The following PPP2R5A variants were observed in gnomAD, a reference collection of about 807,000 sequenced individuals.
The protein encoded by PPP2R5A is protein phosphatase 2 regulatory subunit B'alpha.
Under a neutral mutation model 64.2 loss-of-function variants are expected in PPP2R5A, and 25 were observed. That is an observed-to-expected ratio of 0.39 (90% CI 0.28 to 0.54). PPP2R5A has a LOEUF of 0.54. Ranked by LOEUF, PPP2R5A falls within the 20% of genes least tolerant of loss-of-function variation. PPP2R5A has a pLI of 0.67. For missense variants in PPP2R5A, 425 were observed against 576.3 expected (o/e 0.74, Z 2.69); for synonymous variants, 198 against 201.2 (o/e 0.98, Z 0.13).
At chr1:212,350,492 T>TA (rs1259918349) in intron 8 of PPP2R5A, among the ~76,000 whole-genome samples, 1 of 151,538 alleles carries the variant, frequency 6.6e-6, no homozygotes, top group Non-Finnish European at 1.5e-5. Flanking sequence ...TGTCTCTAGT[T>TA]AAAATACAAA....
At chr1:212,302,717 G>T (rs917045538) in intron 1 of PPP2R5A, among the ~76,000 whole-genome samples, 1 of 152,146 alleles carries the variant, frequency 6.6e-6, no homozygotes, top group Non-Finnish European at 1.5e-5. Flanking sequence ...ATCTCAAAAA[G>T]ATATCCCATG....
At chr1:212,323,392 C>T (rs1001777996) in intron 1 of PPP2R5A, among the ~76,000 whole-genome samples, 1 of 152,164 alleles carries the variant, frequency 6.6e-6, no homozygotes, top group Non-Finnish European at 1.5e-5. Flanking sequence ...AGCAGTAGTA[C>T]TGTATTTTAA....
chr1:212,322,041 A>C (rs1320261354), intron 1 of PPP2R5A, among the ~76,000 whole-genome samples: 1 of 151,572 alleles, frequency 6.6e-6, no homozygotes, highest in African/African-American at 2.4e-5. Flanking sequence ...TACGAAAACC[A>C]GTCAGGCGTG....
intron 1 of PPP2R5A, among the ~76,000 whole-genome samples, chr1:212,293,340 ATTTG>A (rs1658636983): frequency 6.6e-6 from 1 of 152,208 alleles, no homozygotes; most frequent in Admixed American, 6.5e-5. Context: ...AACTGAAACA[ATTTG>A]TTTGCAGTAA....
intron 1 of PPP2R5A, among the ~76,000 whole-genome samples, chr1:212,302,336 G>C (rs1176092068): frequency 6.6e-6 from 1 of 151,956 alleles, no homozygotes; most frequent in Non-Finnish European, 1.5e-5. Flanking sequence ...TTATGTGTTG[G>C]TTTTAGTATT....
At chr1:212,303,618 A>G (rs1197168053) in intron 1 of PPP2R5A, among the ~76,000 whole-genome samples, 1 of 152,086 alleles carries the variant, frequency 6.6e-6, no homozygotes, top group Non-Finnish European at 1.5e-5. Flanking sequence ...TTTCCCAGAT[A>G]TGAGGCTATG....
At chr1:212,287,743 A>G (rs571060903) in intron 1 of PPP2R5A, among the ~76,000 whole-genome samples, 1 of 152,356 alleles carries the variant, frequency 6.6e-6, no homozygotes, top group East Asian at 1.9e-4. Flanking sequence ...ATAAAAGAAT[A>G]TCGTCTTTGC....
chr1:212,333,444 T>C, intron 2 of PPP2R5A, 53 bp from the exon 3 acceptor site: 1 of 1,159,528 alleles, frequency 8.6e-7, no homozygotes, highest in Non-Finnish European at 1.2e-6. Flanking sequence ...TTTTGAATTG[T>C]CCAATTCAAT....
intron 1 of PPP2R5A, among the ~76,000 whole-genome samples, chr1:212,307,933 C>T (rs1376269540): frequency 6.6e-6 from 1 of 152,132 alleles, no homozygotes; most frequent in Non-Finnish European, 1.5e-5. Flanking sequence ...CAACCTCTGC[C>T]TCCTGAGCTC....
chr1:212,310,960 C>G (rs1299084721), intron 1 of PPP2R5A, among the ~76,000 whole-genome samples: 1 of 152,146 alleles, frequency 6.6e-6, no homozygotes, highest in Non-Finnish European at 1.5e-5. Flanking sequence ...ATAGCTGAGC[C>G]AAGGGGGAAG....
intron 1 of PPP2R5A, among the ~76,000 whole-genome samples, chr1:212,317,266 T>G (rs891393804): frequency 1.3e-5 from 2 of 152,182 alleles, no homozygotes; most frequent in African/African-American, 4.8e-5. Flanking sequence ...TACTCTCATT[T>G]TAGAGGGAAG....
Position 212,356,979 on chromosome 1 carries a change from C to T in PPP2R5A, c.1008C>T (p.Ile336=), listed in dbSNP as rs1659988102. 3 of 1,596,718 alleles carry T rather than the reference C, an allele frequency of 1.9e-6. No individual in the cohort carries two copies. Among genetic ancestry groups the T allele is most frequent in the Non-Finnish European group, 2.6e-6 (3 of 1,170,190 alleles). ...TGTTTTTAGGAGAAATTGAAGAAAT[C>T]TTAGATGTCATTGAACCAACACAGT... ...EVMFLGEIEE[I]LDVIEPTQFK... is the part of the protein sequence containing the mutation. Residue 336 remains isoleucine (I), a synonymous_variant, in exon 10 of 13, where the codon ATC becomes ATT. Transcript: ENST00000261461.
chr1:212,358,424 A>T, intron 11 of PPP2R5A: 1 of 223,372 alleles, frequency 4.5e-6, no homozygotes, highest in Non-Finnish European at 8.7e-6. Flanking sequence ...GCAGAAATGA[A>T]GATAACTATA....
At chr1:212,293,839 A>G (rs573019217) in intron 1 of PPP2R5A, among the ~76,000 whole-genome samples, 5 of 152,236 alleles carry the variant, frequency 3.3e-5, no homozygotes, top group Admixed American at 2.6e-4. Context: ...TGAGCTTTCC[A>G]GTGCTGAATG....
In PPP2R5A at chr1:212,285,937, G is replaced by T; in HGVS notation, c.-174G>T. On this transcript the variant is annotated 5_prime_UTR_variant, in exon 1 of 13. Coordinates refer to ENST00000261461, the MANE Select transcript of PPP2R5A (RefSeq NM_006243.4). The stretch of plus-strand genomic sequence containing the variant: ...TCCAGCGCTGAGATGTGGCCGTGAG[G>T]CGTTGGCGGGCGGCGAGGAGAAGCT... 1.8e-6 allele frequency: 1 copy of T among 552,348 alleles called. No homozygotes were observed. Among genetic ancestry groups the T allele is most frequent in the East Asian group, 3.7e-5 (1 of 27,028 alleles). 34.2% of individuals were successfully genotyped at this position (552,348 alleles called of 1,614,324 possible). A position where few individuals can be genotyped will look rare whatever the true frequency, so the allele number is the denominator to read the frequency against.
intron 3 of PPP2R5A, 48 bp downstream of exon 3, chr1:212,333,646 T>C (rs749967813): frequency 9.2e-7 from 1 of 1,087,008 alleles, no homozygotes; most frequent in East Asian, 2.7e-5. Flanking sequence ...TATGCTATTC[T>C]GCAGAAATCA....
chr1:212,322,287 G>A (rs1659320994), intron 1 of PPP2R5A, among the ~76,000 whole-genome samples: 1 of 147,614 alleles, frequency 6.8e-6, no homozygotes, highest in Non-Finnish European at 1.5e-5. Flanking sequence ...AGAGGAGGGA[G>A]AGGGAGAGCT....
chr1:212,307,334 A>T (rs979842380), intron 1 of PPP2R5A, among the ~76,000 whole-genome samples: 1 of 151,466 alleles, frequency 6.6e-6, no homozygotes, highest in Admixed American at 6.6e-5. Context: ...TCAAATTTAT[A>T]CAAGCTTTGT....
chr1:212,286,648 C>A (rs1042805993), intron 1 of PPP2R5A, among the ~76,000 whole-genome samples: 1 of 152,192 alleles, frequency 6.6e-6, no homozygotes, highest in African/African-American at 2.4e-5. Flanking sequence ...CTTGCTTTAA[C>A]AACCGCACGA....
Sources: allele counts gnomAD v4.1 joint callset (sites outside exome capture counted in the v4.1 genomes callset), GRCh38; gene constraint gnomAD v4.1.1; transcripts MANE v1.5; gene names NCBI Gene and HGNC (gene_info 2026-07-23, HGNC 2026-07-21).